Variants in GNA12 observed in about 807,000 individuals in gnomAD.
GNA12 encodes the protein guanine nucleotide-binding protein subunit alpha-12.
Under a neutral mutation model 26.0 loss-of-function variants are expected in GNA12, and 9 were observed. The ratio of observed to expected loss-of-function variants is 0.35; its 90% CI spans 0.21 to 0.60. The LOEUF is 0.60. Among genes scored for constraint, GNA12 ranks in the 20% least tolerant of loss-of-function variants. GNA12 has a pLI of 0.78. For synonymous variants in GNA12, 264 were observed against 219.6 expected, an observed-to-expected ratio of 1.20 and a Z score of -1.79; for missense variants, 405 against 525.8, an observed-to-expected ratio of 0.77 and a Z score of 2.25.
intron 2 of GNA12, among the ~76,000 whole-genome samples, chr7:2,756,173 A>T (rs1791284090): frequency 6.6e-6 from 1 of 152,236 alleles, no homozygotes; most frequent in Non-Finnish European, 1.5e-5. Context: ...ATTTATAAAA[A>T]ATTGACAAGG....
chr7:2,791,513 G>C (rs1792518215), intron 2 of GNA12, among the ~76,000 whole-genome samples: 1 of 152,192 alleles, frequency 6.6e-6, no homozygotes, highest in African/African-American at 2.4e-5. Context: ...TCTCTGACTG[G>C]AATGGCAGGA....
At chr7:2,762,671 AT>A in intron 2 of GNA12, 1 of 1,596,942 alleles carries the variant, frequency 6.3e-7, no homozygotes, top group Non-Finnish European at 8.5e-7. Context: ...AGGATAAATC[AT>A]TTGGAAAGAA....
In GNA12 at chr7:2,844,284, C is replaced by G. The variant is rs2114987648; in HGVS notation, c.-123G>C. ...CGCCGCTCGCCTCAGGCCGCGTCCG[C>G]CGCCGCCGCTGCAGTCGCTCCGAGG... is the stretch of plus-strand genomic sequence containing the variant. On this transcript the variant is annotated 5_prime_UTR_variant, in exon 1 of 4. Coordinates refer to ENST00000275364, the MANE Select transcript of GNA12 (RefSeq NM_007353.3). 1 of 352,708 alleles carries G rather than the reference C, an allele frequency of 2.8e-6. No individual in the cohort carries two copies. The highest frequency in any genetic ancestry group is 1.0e-4 in the South Asian group (1 of 9,674). The allele number at this position is 352,708 out of a possible 1,614,324, so 21.8% of individuals were successfully genotyped here. A position where few individuals can be genotyped will look rare whatever the true frequency, so the allele number is the denominator to read the frequency against.
chr7:2,736,749 T>C (rs1790200568), intron 2 of GNA12, among the ~76,000 whole-genome samples: 1 of 152,238 alleles, frequency 6.6e-6, no homozygotes, highest in African/African-American at 2.4e-5. Context: ...CACGCTCGGC[T>C]TGCTGCCGCT....
chr7:2,778,072 A>G (rs112737134), intron 2 of GNA12, among the ~76,000 whole-genome samples: 145 of 152,360 alleles, frequency 9.5e-4, no homozygotes, highest in African/African-American at 3.3e-3. Context: ...CACGAGCTAC[A>G]CTATGCCGCC....
chr7:2,835,691 A>G, intron 1 of GNA12: 1 of 1,063,918 alleles, frequency 9.4e-7, no homozygotes, highest in South Asian at 1.3e-5. Context: ...CAAAAGATAA[A>G]CAAATTTGCA....
intron 3 of GNA12, among the ~76,000 whole-genome samples, chr7:2,732,558 A>C (rs1269677928): frequency 3.9e-5 from 6 of 152,104 alleles, no homozygotes; most frequent in Admixed American, 3.3e-4. Flanking sequence ...AAAATCGAAA[A>C]ACAAAACAGA....
intron 1 of GNA12, among the ~76,000 whole-genome samples, chr7:2,810,714 C>A (rs1473937114): frequency 6.6e-6 from 1 of 152,092 alleles, no homozygotes; most frequent in South Asian, 2.1e-4. Context: ...CATGTTAAAG[C>A]CCTATCTATC....
Position 2,731,358 on chromosome 7 carries a change from C to T in GNA12, c.969G>A (p.Arg323=). Residue 323 remains arginine (R), a synonymous_variant, in exon 4 of 4, where the codon AGG becomes AGA. Coordinates refer to ENST00000275364, the MANE Select transcript of GNA12 (RefSeq NM_007353.3). The surrounding 1 kb of genome is among the most constrained non-coding windows in gnomAD (Gnocchi z 6.0). ...HFPDFRGDPH[R]LEDVQRYLVQ... ...CCAGGTAGCGCTGGACGTCCTCCAGCCTGTGCGGGTCGCCCCTGAAGTCCG... is the reference window on the plus strand; with the variant it reads ...CCAGGTAGCGCTGGACGTCCTCCAGTCTGTGCGGGTCGCCCCTGAAGTCCG... 1 of 1,613,948 alleles carries T rather than the reference C, an allele frequency of 6.2e-7. No individual in the cohort carries two copies. Among genetic ancestry groups the T allele is most frequent in the Admixed American group, 1.7e-5 (1 of 59,996 alleles).
At chr7:2,784,171 G>A (rs894965800) in intron 2 of GNA12, among the ~76,000 whole-genome samples, 2 of 152,156 alleles carry the variant, frequency 1.3e-5, no homozygotes, top group Non-Finnish European at 2.9e-5. Context: ...AGGCTGAGGT[G>A]CAATGGTGTG....
intron 2 of GNA12, among the ~76,000 whole-genome samples, chr7:2,756,417 A>T (rs1791297155): frequency 6.6e-6 from 1 of 152,164 alleles, no homozygotes; most frequent in South Asian, 2.1e-4. Flanking sequence ...GTTCAAGACC[A>T]GCCTGGGCAA....
chr7:2,828,087 G>C (rs1468273740), intron 1 of GNA12, among the ~76,000 whole-genome samples: 1 of 152,130 alleles, frequency 6.6e-6, no homozygotes, highest in African/African-American at 2.4e-5. Flanking sequence ...AAAAGAAAAT[G>C]CCGAAGATGT....
At chr7:2,824,820 G>A (rs1049401135) in intron 1 of GNA12, among the ~76,000 whole-genome samples, 9 of 152,164 alleles carry the variant, frequency 5.9e-5, no homozygotes, top group African/African-American at 9.7e-5. Context: ...GCTGAGGGCC[G>A]GTGGCAGCAC....
chr7:2,833,199 C>T (rs993072167), intron 1 of GNA12, among the ~76,000 whole-genome samples: 3 of 152,272 alleles, frequency 2.0e-5, no homozygotes, highest in Non-Finnish European at 4.4e-5. Flanking sequence ...TGAAATGAGC[C>T]GGCCTGTCAT....
chr7:2,821,076 C>A (rs1485239218), intron 1 of GNA12, among the ~76,000 whole-genome samples: 1 of 152,232 alleles, frequency 6.6e-6, no homozygotes, highest in African/African-American at 2.4e-5. Context: ...CAAAACTCCA[C>A]AGGAATCACT....
At chr7:2,737,389 A>G (rs530022912) in intron 2 of GNA12, among the ~76,000 whole-genome samples, 1 of 146,708 alleles carries the variant, frequency 6.8e-6, no homozygotes, top group East Asian at 2.0e-4. Context: ...CCTGGGTTCA[A>G]GCAATTCTCC....
At chr7:2,836,958 T>C (rs1424588338) in intron 1 of GNA12, among the ~76,000 whole-genome samples, 1 of 151,802 alleles carries the variant, frequency 6.6e-6, no homozygotes, top group African/African-American at 2.4e-5. Context: ...AGAGAAAACA[T>C]CAGCAGAGAA....
At chr7:2,775,067 T>C (rs1042552465) in intron 2 of GNA12, among the ~76,000 whole-genome samples, 53 of 152,214 alleles carry the variant, frequency 3.5e-4, no homozygotes, top group African/African-American at 1.2e-3. Context: ...TCCCCTCTAC[T>C]GAGGATGACT....
chr7:2,818,867 C>G (rs1184997879), intron 1 of GNA12, among the ~76,000 whole-genome samples: 1 of 152,080 alleles, frequency 6.6e-6, no homozygotes, highest in Non-Finnish European at 1.5e-5. Flanking sequence ...CTCTGACCAG[C>G]CTCACAACCC....
Sources: gnomAD v4.1 joint callset for allele counts (sites outside exome capture counted in the v4.1 genomes callset) on GRCh38, gnomAD v4.1.1 for gene constraint, Gnocchi (gnomAD v3.1) non-coding constraint, MANE v1.5 for transcripts, NCBI Gene and HGNC (gene_info 2026-07-23, HGNC 2026-07-21) for gene names.